Variants in INKA2 observed in about 807,000 individuals in gnomAD.
The protein encoded by INKA2 is PAK4-inhibitor INKA2.
Under a neutral mutation model 9.8 loss-of-function variants are expected in INKA2, and 3 were observed. The observed-to-expected ratio is 0.31, with a 90% CI of 0.14 to 0.79. The LOEUF (loss-of-function observed/expected upper bound fraction) is 0.79, where lower values mean the gene tolerates loss of function less well. Among genes scored for constraint, INKA2 ranks in the 30% least tolerant of loss-of-function variants. The pLI is 0.62. For missense variants in INKA2, 392 were observed against 384.4 expected, an observed-to-expected ratio of 1.02 and a Z score of -0.17; for synonymous variants, 147 against 143.3, an observed-to-expected ratio of 1.03 and a Z score of -0.18.
rs553919342 is a variant in INKA2 at position 111,728,789 on chromosome 1, G to A, written c.58-985C>T. On this transcript the variant is annotated intron_variant, in intron 1 of 1. Transcript: ENST00000357260. ...TCTTATTGTATATATACAAATATTC[G>A]AAAATCCAAAATCCAAAACACTTCT... Among the ~76,000 whole-genome samples the A allele has an allele frequency of 4.0e-5, 6 of 151,720 alleles. No homozygotes were observed. The East Asian group carries it at 5.8e-4, about 15-fold the overall frequency.
intron 1 of INKA2, among the ~76,000 whole-genome samples, chr1:111,736,993 C>T (rs1663020370): frequency 6.6e-6 from 1 of 152,182 alleles, no homozygotes; most frequent in African/African-American, 2.4e-5. Context: ...ACTCTACTAG[C>T]TCTGTCTGTC....
intron 1 of INKA2, among the ~76,000 whole-genome samples, chr1:111,748,493 G>T (rs1172983046): frequency 6.6e-6 from 1 of 152,214 alleles, no homozygotes; most frequent in Admixed American, 6.5e-5. Flanking sequence ...CAGGCCTACT[G>T]GGAGGCAGCA....
At chr1:111,747,530 C>T (rs1663300904) in intron 1 of INKA2, 1 of 152,412 alleles carries the variant, frequency 6.6e-6, no homozygotes, top group Non-Finnish European at 1.5e-5. Flanking sequence ...AATTCTGCTC[C>T]TCTCTCTGCC....
upstream of INKA2, among the ~76,000 whole-genome samples, chr1:111,744,027 G>A (rs747370088): frequency 1.3e-5 from 2 of 152,234 alleles, no homozygotes; most frequent in Non-Finnish European, 2.9e-5. Context: ...GACTGTGTAC[G>A]TGTCTGTGTG....
intron 1 of INKA2, chr1:111,745,293 A>ATATATATATATATATATATTTT (rs1358304932): frequency 2.0e-5 from 1 of 49,270 alleles, no homozygotes. Context: ...ATATATATAT[A>ATATATATATATATATATATTTT]TTTTTTTTTT....
intron 1 of INKA2, among the ~76,000 whole-genome samples, chr1:111,737,878 A>G (rs1663039509): frequency 6.6e-6 from 1 of 152,170 alleles, no homozygotes; most frequent in Non-Finnish European, 1.5e-5. Flanking sequence ...CTTGGTCAGG[A>G]AGCATCAGTG....
Position 111,726,712 on chromosome 1 carries a change from CA to C in INKA2, c.*255del. 4.0e-6 allele frequency: 1 copy of C among 250,030 alleles called. No individual in the cohort carries two copies. Among genetic ancestry groups the C allele is most frequent in the Non-Finnish European group, 7.6e-6 (1 of 132,394 alleles). The allele number at this position is 250,030 out of a possible 1,614,324, so 15.5% of individuals were successfully genotyped here. ...TGCATGCCAGACAGACACACACATG[CA>C]CACACACACACACACACGCACAGCT... On this transcript the variant is annotated 3_prime_UTR_variant, in exon 2 of 2. Transcript: ENST00000357260.
chr1:111,751,626 A>G (rs1011089539), intron 1 of INKA2, among the ~76,000 whole-genome samples: 5 of 152,184 alleles, frequency 3.3e-5, no homozygotes, highest in African/African-American at 7.2e-5. Flanking sequence ...CTTTTAGGAT[A>G]AAGTCCAGAC....
Position 111,739,352 on chromosome 1 carries a change from C to T in INKA2, c.-110G>A. 6.4e-7 allele frequency: 1 copy of T among 1,555,820 alleles called. No homozygotes were observed. The highest frequency in any genetic ancestry group is 8.7e-7 in the Non-Finnish European group (1 of 1,150,946). ...CCCGCCCCTGCGCCCGTAGCGCTCGCAGCGCGGAGCTGAGCCTGCGCTCCG... is the reference window on the plus strand; with the variant it reads ...CCCGCCCCTGCGCCCGTAGCGCTCGTAGCGCGGAGCTGAGCCTGCGCTCCG... On this transcript the variant is annotated 5_prime_UTR_variant, in exon 1 of 2. Coordinates refer to ENST00000357260, the MANE Select transcript of INKA2 (RefSeq NM_019099.5).
chr1:111,745,251 C>A (rs1206848202), intron 1 of INKA2: 1 of 131,326 alleles, frequency 7.6e-6, no homozygotes, highest in African/African-American at 3.0e-5. Flanking sequence ...CACACACACA[C>A]ACACACAGAG....
chr1:111,739,320 C>A lies in INKA2; in HGVS notation c.-78G>T. The A allele has an allele frequency of 1.9e-6, 3 of 1,589,530 alleles. No individual in the cohort carries two copies. The highest frequency in any genetic ancestry group is 2.6e-6 in the Non-Finnish European group (3 of 1,168,142). Reference sequence around the variant, plus strand: ...GCCCCACTGGAAACTGCGCTCCGGGCCGGCTCCCCGCCCCTGCGCCCGTAG... The same window carrying A: ...GCCCCACTGGAAACTGCGCTCCGGGACGGCTCCCCGCCCCTGCGCCCGTAG... On this transcript the variant is annotated 5_prime_UTR_variant, in exon 1 of 2. Transcript: ENST00000357260.
chr1:111,753,100 T>C (rs565579645), intron 1 of INKA2: 15 of 152,300 alleles, frequency 9.8e-5, no homozygotes, highest in African/African-American at 3.6e-4. Context: ...ACTCTCACCT[T>C]TTCAGTTCAT....
chr1:111,754,109 A>C (rs1005857631), intron 1 of INKA2: 2 of 152,222 alleles, frequency 1.3e-5, no homozygotes, highest in African/African-American at 4.8e-5. Flanking sequence ...GAGACTGAAG[A>C]AGAATGGGTG....
At position 111,755,480 on chromosome 1, in the gene INKA2, G is replaced by A. The variant is rs1663517961; in HGVS notation, n.124+221C>T. ...CGAGTCAGGGTACGGAGCGGGTAGC[G>A]TTGGGGAAGAGGTGGCCGCGAAGCG... On this transcript the variant is annotated intron_variant and non_coding_transcript_variant, in intron 1 of 1. Transcript: ENST00000444059. 5.2e-6 allele frequency: 3 copies of A among 576,114 alleles called. No individual in the cohort carries two copies. In the South Asian group the frequency reaches 6.5e-5, roughly 12 times the overall value. 35.7% of individuals were successfully genotyped at this position (576,114 alleles called of 1,614,324 possible).
chr1:111,724,413 C>T lies in INKA2; in HGVS notation c.*2555G>A, dbSNP rs949135686. ...GTTATAGGTGAATGTCCAAGAAGTA[C>T]CTTGGTTTCCCACAGACTCATTCCA... On this transcript the variant is annotated 3_prime_UTR_variant, in exon 2 of 2. Coordinates refer to ENST00000357260, the MANE Select transcript of INKA2 (RefSeq NM_019099.5). 1 of 151,344 alleles carries T rather than the reference C, an allele frequency of 6.6e-6. No individual in the cohort carries two copies. The highest frequency in any genetic ancestry group is 6.6e-5 in the Admixed American group (1 of 15,248). 9.4% of individuals were successfully genotyped at this position (151,344 alleles called of 1,614,324 possible).
At chr1:111,754,793 A>T (rs2101407784) in intron 1 of INKA2, 1 of 152,350 alleles carries the variant, frequency 6.6e-6, no homozygotes. Context: ...TGTTTTTCCC[A>T]CTAGGGATGC....
chr1:111,728,788 C>T (rs534878429), intron 1 of INKA2, among the ~76,000 whole-genome samples: 31 of 151,902 alleles, frequency 2.0e-4, no homozygotes, highest in Admixed American at 8.5e-4. Flanking sequence ...TACAAATATT[C>T]GAAAATCCAA....
At chr1:111,729,235 A>G (rs1334497982) in intron 1 of INKA2, among the ~76,000 whole-genome samples, 1 of 152,206 alleles carries the variant, frequency 6.6e-6, no homozygotes, top group African/African-American at 2.4e-5. Context: ...AAGGGAGACA[A>G]GGAGGCCAGG....
chr1:111,722,815 CTTTT>C lies in INKA2; in HGVS notation c.*4149_*4152del. 1 of 453,588 alleles carries C rather than the reference CTTTT, an allele frequency of 2.2e-6. No individual in the cohort carries two copies. The highest frequency in any genetic ancestry group is 3.9e-6 in the Non-Finnish European group (1 of 255,242). The allele number at this position is 453,588 out of a possible 1,614,324, so 28.1% of individuals were successfully genotyped here. On this transcript the variant is annotated 3_prime_UTR_variant, in exon 2 of 2. Coordinates refer to ENST00000357260, the MANE Select transcript of INKA2 (RefSeq NM_019099.5). ...AAGAGACCAACGCTCAGAGAAAGCACTTTTTCTTAAGCACTTTTGCCTTGGGTCA... is the reference window on the plus strand; with the variant it reads ...AAGAGACCAACGCTCAGAGAAAGCACTCTTAAGCACTTTTGCCTTGGGTCA...
Sources: gnomAD v4.1 joint callset for allele counts (sites outside exome capture counted in the v4.1 genomes callset) on GRCh38, gnomAD v4.1.1 for gene constraint, MANE v1.5 for transcripts, NCBI Gene and HGNC (gene_info 2026-07-23, HGNC 2026-07-21) for gene names.